The following CCND3 variants were observed in gnomAD, a reference collection of about 807,000 sequenced individuals.
CCND3 encodes the protein cyclin D3.
Under a neutral mutation model 28.7 loss-of-function variants are expected in CCND3, and 9 were observed. That is an observed-to-expected ratio of 0.31 (90% confidence interval 0.19 to 0.55). The LOEUF (loss-of-function observed/expected upper bound fraction) is 0.55. Ranked by LOEUF, CCND3 falls within the 20% of genes least tolerant of loss-of-function variation. The pLI, the probability that CCND3 is intolerant of heterozygous loss-of-function variation, is 0.93. For missense variants in CCND3, 315 were observed against 385.8 expected, an observed-to-expected ratio of 0.82 and a Z score of 1.54; for synonymous variants, 164 against 163.9, an observed-to-expected ratio of 1.00 and a Z score of 0.00.
intron 1 of CCND3, among the ~76,000 whole-genome samples, chr6:42,003,246 C>G (rs1178337765): frequency 1.3e-5 from 2 of 149,892 alleles, no homozygotes; most frequent in African/African-American, 2.5e-5. Context: ...ACAGCAGAGG[C>G]CAGGAGCAAT....
At chr6:42,005,928 C>A (rs1052659294) in intron 1 of CCND3, among the ~76,000 whole-genome samples, 12 of 152,090 alleles carry the variant, frequency 7.9e-5, no homozygotes, top group Non-Finnish European at 1.6e-4. Flanking sequence ...GGTGATCACC[C>A]GCCTCAGCCT....
At chr6:42,023,064 C>G (rs1763758572) in intron 1 of CCND3, among the ~76,000 whole-genome samples, 2 of 152,216 alleles carry the variant, frequency 1.3e-5, no homozygotes, top group African/African-American at 4.8e-5. Context: ...GAAATCAATA[C>G]TTGAGGTGCT....
At chr6:42,018,837 G>A (rs1763608917) in intron 1 of CCND3, among the ~76,000 whole-genome samples, 1 of 150,872 alleles carries the variant, frequency 6.6e-6, no homozygotes, top group Non-Finnish European at 1.5e-5. Context: ...GTTGTGGTGA[G>A]CCGAGATCGT....
chr6:41,966,360 C>A (rs925455598), intron 1 of CCND3, among the ~76,000 whole-genome samples: 1 of 151,806 alleles, frequency 6.6e-6, no homozygotes, highest in Non-Finnish European at 1.5e-5. Context: ...GTCGAGGCTG[C>A]AATGAGCCAT....
intron 1 of CCND3, among the ~76,000 whole-genome samples, chr6:42,044,711 A>G (rs1764478152): frequency 6.6e-6 from 1 of 152,078 alleles, no homozygotes; most frequent in Admixed American, 6.6e-5. Context: ...AATCTTCCAG[A>G]ATTTGACCTG....
At chr6:41,987,899 G>A (rs1561974634) in intron 1 of CCND3, among the ~76,000 whole-genome samples, 1 of 151,800 alleles carries the variant, frequency 6.6e-6, no homozygotes. Context: ...TCTTTTCTTT[G>A]CTTCCTTTTT....
intron 1 of CCND3, among the ~76,000 whole-genome samples, chr6:41,955,898 G>A (rs557956929): frequency 3.3e-4 from 50 of 152,250 alleles, no homozygotes; most frequent in African/African-American, 1.2e-3. Context: ...GCTGCAGTGA[G>A]GTGTGATTGC....
intron 1 of CCND3, among the ~76,000 whole-genome samples, chr6:42,022,616 C>T (rs567608943): frequency 2.0e-5 from 3 of 152,338 alleles, no homozygotes; most frequent in East Asian, 1.9e-4. Flanking sequence ...TCCCCCCAAC[C>T]GCCAGGGGGT....
At chr6:41,958,918 C>T (rs1326060554) in intron 1 of CCND3, among the ~76,000 whole-genome samples, 2 of 152,166 alleles carry the variant, frequency 1.3e-5, no homozygotes, top group African/African-American at 4.8e-5. Flanking sequence ...TCTGCAGTTC[C>T]TCAAAATGTT....
chr6:41,987,381 A>G (rs1046322051), intron 1 of CCND3, among the ~76,000 whole-genome samples: 1 of 151,912 alleles, frequency 6.6e-6, no homozygotes, highest in East Asian at 1.9e-4. Context: ...AAGCTAGCCA[A>G]TTGGTAAGGC....
chr6:41,941,629 T>A lies in CCND3; in HGVS notation c.21A>T (p.Glu7Asp), dbSNP rs1353591902. The part of the protein sequence containing the change: MELLCC[E>D]GTRHAPRAGP... ...CGGCCCGGGGCGCGTGCCGGGTGCC[T>A]TCGCAACACAGCAGCTCCATACTCG... The change falls in exon 1 of 5, where the codon GAA (glutamate) becomes GAT (aspartate). Residue 7 changes from glutamate to aspartate, a missense_variant. Transcript: ENST00000372991. This position sits in a 1 kb window ranked among gnomAD's most constrained non-coding sequence, Gnocchi z 6.1. 6.6e-7 allele frequency: 1 copy of A among 1,511,498 alleles called. No individual in the cohort carries two copies. The highest frequency in any genetic ancestry group is 2.4e-4 in the Middle Eastern group (1 of 4,240). 93.6% of individuals were successfully genotyped at this position (1,511,498 alleles called of 1,614,324 possible). A position where few individuals can be genotyped will look rare whatever the true frequency, so the allele number is the denominator to read the frequency against.
chr6:41,988,360 C>T (rs545579540), intron 1 of CCND3, among the ~76,000 whole-genome samples: 7 of 152,102 alleles, frequency 4.6e-5, no homozygotes, highest in Admixed American at 2.0e-4. Flanking sequence ...TTCTTACAGC[C>T]GCTCACCATC....
chr6:42,044,499 C>A (rs57212063), intron 1 of CCND3, among the ~76,000 whole-genome samples: 3 of 152,146 alleles, frequency 2.0e-5, no homozygotes, highest in African/African-American at 4.8e-5. Flanking sequence ...GGTTTACAGG[C>A]GAAGGGGCTT....
intron 1 of CCND3, among the ~76,000 whole-genome samples, chr6:41,997,232 A>G (rs9381114): frequency 0.98 from 149,272 of 152,332 alleles, 73,200 homozygotes; most frequent in East Asian, 1. Context: ...TTCTCTGGAA[A>G]GACCCATGTC....
Position 42,036,403 on chromosome 6 carries a change from A to ATTTTT in CCND3, c.-46+12093_-46+12097dup, listed in dbSNP as rs57849655. Among the ~76,000 whole-genome samples, 220 of 31,310 alleles carry ATTTTT rather than the reference A, an allele frequency of 7.0e-3. 22 individuals are homozygous for ATTTTT. The highest frequency in any genetic ancestry group is 0.034 in the East Asian group (25 of 728). 20.5% of individuals were successfully genotyped at this position (31,310 alleles called of 152,430 possible). ...TATATATATATATATATATATATATATTTTTTTTTTTTTTTTTTTTTTTTG... is the reference window on the plus strand; with the variant it reads ...TATATATATATATATATATATATATATTTTTTTTTTTTTTTTTTTTTTTTTTTTTG... On this transcript the variant is annotated intron_variant, in intron 1 of 4. Transcript: ENST00000372988.
intron 1 of CCND3, among the ~76,000 whole-genome samples, chr6:41,984,377 G>A (rs1043016683): frequency 2.6e-5 from 4 of 151,974 alleles, no homozygotes; most frequent in African/African-American, 7.2e-5. Flanking sequence ...ACGCAGTTTC[G>A]CTCTTGTTGC....
chr6:42,006,589 A>ATCTC (rs1334714312), intron 1 of CCND3, among the ~76,000 whole-genome samples: 5 of 152,170 alleles, frequency 3.3e-5, no homozygotes. Flanking sequence ...TCTACGTGGA[A>ATCTC]TCTCTTCAAG....
At chr6:42,045,197 T>C (rs1239513600) in intron 1 of CCND3, among the ~76,000 whole-genome samples, 1 of 152,158 alleles carries the variant, frequency 6.6e-6, no homozygotes, top group Non-Finnish European at 1.5e-5. Flanking sequence ...AATCCCTTTA[T>C]ATTTCAGCCT....
intron 1 of CCND3, among the ~76,000 whole-genome samples, chr6:42,043,609 G>C (rs140986754): frequency 6.6e-6 from 1 of 151,724 alleles, no homozygotes; most frequent in Non-Finnish European, 1.5e-5. Flanking sequence ...GAGATGGGGA[G>C]ATCAACTCTG....
Sources: gnomAD v4.1 joint callset for allele counts (sites outside exome capture counted in the v4.1 genomes callset) on GRCh38, gnomAD v4.1.1 for gene constraint, Gnocchi (gnomAD v3.1) non-coding constraint, MANE v1.5 for transcripts, NCBI Gene and HGNC (gene_info 2026-07-23, HGNC 2026-07-21) for gene names.